HECW1: variants seen among roughly 807,000 people sequenced by gnomAD.
The protein encoded by HECW1 is E3 ubiquitin-protein ligase HECW1.
Under a neutral mutation model 182.3 loss-of-function variants are expected in HECW1, and 61 were observed. The ratio of observed to expected loss-of-function variants is 0.33; its 90% CI spans 0.27 to 0.41. HECW1 has a LOEUF of 0.41. HECW1 is among the 10% of genes least tolerant of loss of function. HECW1 has a pLI of 1.00. For synonymous variants in HECW1, 859 were observed against 832.6 expected (o/e 1.03, Z -0.55); for missense variants, 1,739 against 2,108.9 (o/e 0.82, Z 3.44).
At chr7:43,403,482 C>T (rs1448898724) in intron 7 of HECW1, among the ~76,000 whole-genome samples, 1 of 152,096 alleles carries the variant, frequency 6.6e-6, no homozygotes, top group African/African-American at 2.4e-5. Flanking sequence ...AACCTTTGAT[C>T]CCCCTGGTAG....
chr7:43,252,460 A>C (rs1800139881), intron 3 of HECW1, among the ~76,000 whole-genome samples: 1 of 152,262 alleles, frequency 6.6e-6, no homozygotes, highest in African/African-American at 2.4e-5. Flanking sequence ...AGAAATGCTG[A>C]ATCAATATCT....
In HECW1 at chr7:43,243,782, G is replaced by C; in HGVS notation, c.-31-93G>C. 1 of 969,018 alleles carries C rather than the reference G, an allele frequency of 1.0e-6. No homozygotes were observed. The highest frequency in any genetic ancestry group is 1.7e-6 in the Non-Finnish European group (1 of 595,656). 60.0% of individuals were successfully genotyped at this position (969,018 alleles called of 1,614,324 possible). Reference sequence around the variant, plus strand: ...TGCCCAGGCCAGGTATCTTGGCGGGGGTGGGGGAAACAATGTTGTTTGTGT... The same window carrying C: ...TGCCCAGGCCAGGTATCTTGGCGGGCGTGGGGGAAACAATGTTGTTTGTGT... On this transcript the variant is annotated intron_variant, in intron 2 of 29. Coordinates refer to ENST00000395891, the MANE Select transcript of HECW1 (RefSeq NM_015052.5). This position sits in a 1 kb window ranked among gnomAD's most constrained non-coding sequence, Gnocchi z 4.0.
At chr7:43,237,221 G>A (rs1466740992) in intron 2 of HECW1, among the ~76,000 whole-genome samples, 1 of 152,122 alleles carries the variant, frequency 6.6e-6, no homozygotes, top group Non-Finnish European at 1.5e-5. Flanking sequence ...ATGGAAGCTG[G>A]GGCTTCAGAG....
chr7:43,138,326 A>G (rs369382039), intron 2 of HECW1, among the ~76,000 whole-genome samples: 58 of 152,346 alleles, frequency 3.8e-4, no homozygotes, highest in African/African-American at 1.3e-3. Context: ...TGATGATTAA[A>G]TATCTCTTTA....
intron 8 of HECW1, among the ~76,000 whole-genome samples, chr7:43,408,100 G>C (rs1025439381): frequency 6.6e-6 from 1 of 152,170 alleles, no homozygotes; most frequent in Non-Finnish European, 1.5e-5. Flanking sequence ...TTGAGCAAGG[G>C]TGTCAAATCT....
At chr7:43,288,030 A>C (rs1804882955) in intron 3 of HECW1, among the ~76,000 whole-genome samples, 1 of 152,222 alleles carries the variant, frequency 6.6e-6, no homozygotes, top group Non-Finnish European at 1.5e-5. Flanking sequence ...AGACAGAGAT[A>C]GTTGAGGAAA....
chr7:43,324,121 T>C (rs1341479452), intron 5 of HECW1, among the ~76,000 whole-genome samples: 1 of 152,234 alleles, frequency 6.6e-6, no homozygotes, highest in Non-Finnish European at 1.5e-5. Context: ...AAAATGTTTT[T>C]GTGCAGACTT....
At chr7:43,204,522 A>T (rs1051695996) in intron 2 of HECW1, among the ~76,000 whole-genome samples, 14 of 152,356 alleles carry the variant, frequency 9.2e-5, no homozygotes, top group African/African-American at 3.1e-4. Context: ...GGTGGTGGCC[A>T]ATTATACAAG....
At chr7:43,211,233 C>G (rs1259886107) in intron 2 of HECW1, among the ~76,000 whole-genome samples, 2 of 152,182 alleles carry the variant, frequency 1.3e-5, no homozygotes, top group African/African-American at 2.4e-5. Context: ...AGTCCTGTCT[C>G]TCAGTATGGA....
rs927823695 is a variant in HECW1 at position 43,471,272 on chromosome 7, A to G, written c.3099+2167A>G. On this transcript the variant is annotated intron_variant, in intron 16 of 29. Transcript: ENST00000395891. ...TTACAGGTTTCACCCTCTAACTTGG[A>G]AAGGATATGCTGCACAGGAGGCTGA... Among the ~76,000 whole-genome samples the G allele has an allele frequency of 2.0e-5, 3 of 152,308 alleles. No homozygotes were observed. The East Asian group carries it at 5.8e-4, about 29-fold the overall frequency.
intron 5 of HECW1, among the ~76,000 whole-genome samples, chr7:43,336,158 C>CTCTT (rs1812236920): frequency 5.9e-5 from 5 of 85,142 alleles, no homozygotes; most frequent in Non-Finnish European, 6.7e-5. Context: ...CTCTCTCTCT[C>CTCTT]TCTCTCTCTC....
intron 2 of HECW1, chr7:43,241,384 C>T (rs1798859990): frequency 6.6e-6 from 1 of 152,088 alleles, no homozygotes; most frequent in Non-Finnish European, 1.5e-5. Flanking sequence ...GAGCTGGATC[C>T]TTTTTGATCC....
intron 2 of HECW1, among the ~76,000 whole-genome samples, chr7:43,155,602 A>G (rs1252335924): frequency 6.6e-6 from 1 of 152,226 alleles, no homozygotes; most frequent in African/African-American, 2.4e-5. Context: ...TAGTGAACAC[A>G]GGGAGGTTGA....
At chr7:43,169,581 A>G (rs549206155) in intron 2 of HECW1, among the ~76,000 whole-genome samples, 1 of 152,318 alleles carries the variant, frequency 6.6e-6, no homozygotes, top group South Asian at 2.1e-4. Context: ...AATGGGCTTA[A>G]TCATCATATG....
rs904941603 is a variant in HECW1 at position 43,541,979 on chromosome 7, A to C, written c.4229A>C (p.Asn1410Thr). ...TDILDLTFTV[N>T]EEVFGQVTER... Reference sequence around the variant, plus strand: ...ATCTTAGACCTCACTTTCACTGTTAATGAAGAGGTTTTTGGACAGGTTTGT... The same window carrying C: ...ATCTTAGACCTCACTTTCACTGTTACTGAAGAGGTTTTTGGACAGGTTTGT... Residue 1410 changes from asparagine (N) to threonine (T), a missense_variant, in exon 26 of 30, where the codon AAT becomes ACT. Transcript: ENST00000395891. 10 of 1,536,488 alleles carry C rather than the reference A, an allele frequency of 6.5e-6. No homozygotes were observed. The Admixed American group carries it at 1.9e-4, about 29-fold the overall frequency.
chr7:43,237,140 A>AGTAGGAAGGTAGGTAGGTAG (rs1449363522), intron 2 of HECW1, among the ~76,000 whole-genome samples: 6 of 133,854 alleles, frequency 4.5e-5, no homozygotes, highest in Admixed American at 7.6e-5. Flanking sequence ...GAAGGAAGGA[A>AGTAGGAAGGTAGGTAGGTAG]GTAGGTAGGT....
chr7:43,342,293 C>T (rs1271844808), intron 5 of HECW1, among the ~76,000 whole-genome samples: 1 of 151,554 alleles, frequency 6.6e-6, no homozygotes, highest in Non-Finnish European at 1.5e-5. Flanking sequence ...TATTTGGAAA[C>T]CCTTCACCCT....
At chr7:43,389,802 G>C (rs527774513) in intron 6 of HECW1, among the ~76,000 whole-genome samples, 1 of 152,116 alleles carries the variant, frequency 6.6e-6, no homozygotes, top group South Asian at 2.1e-4. Flanking sequence ...CACCATGCCT[G>C]ACTAAATTTT....
chr7:43,361,815 CTTTTTTTTTTT>C (rs397890047), intron 6 of HECW1, among the ~76,000 whole-genome samples: 4 of 77,980 alleles, frequency 5.1e-5, no homozygotes, highest in South Asian at 9.5e-4. Flanking sequence ...AAGACTCTCT[CTTTTTTTTTTT>C]TTTTTTTTTT....
Sources: gnomAD v4.1 joint callset for allele counts (sites outside exome capture counted in the v4.1 genomes callset) on GRCh38, gnomAD v4.1.1 for gene constraint, Gnocchi (gnomAD v3.1) non-coding constraint, MANE v1.5 for transcripts, NCBI Gene and HGNC (gene_info 2026-07-23, HGNC 2026-07-21) for gene names.